The following IL1RAPL1 variants were observed in gnomAD, a reference collection of about 807,000 sequenced individuals.
The protein encoded by IL1RAPL1 is interleukin-1 receptor accessory protein-like 1.
Under a neutral mutation model 48.4 loss-of-function variants are expected in IL1RAPL1, and 3 were observed. The observed-to-expected ratio is 0.06, with a 90% CI of 0.03 to 0.16. The LOEUF (loss-of-function observed/expected upper bound fraction) is 0.16, where lower values mean the gene tolerates loss of function less well. Ranked by LOEUF, IL1RAPL1 falls within the 10% of genes least tolerant of loss-of-function variation. The probability of loss-of-function intolerance (pLI) is 1.00; values close to 1 mark genes in which losing one functional copy is unlikely to be tolerated. For missense variants in IL1RAPL1, 349 were observed against 530.6 expected, an observed-to-expected ratio of 0.66 and a Z score of 3.36; for synonymous variants, 185 against 187.7, an observed-to-expected ratio of 0.99 and a Z score of 0.12.
intron 3 of IL1RAPL1, among the ~76,000 whole-genome samples, chrX:29,377,325 T>C (rs1933636792): frequency 8.9e-6 from 1 of 112,157 alleles, no homozygotes; most frequent in Admixed American, 9.5e-5. Context: ...TGCCACTCTA[T>C]GTCTTTTAAG....
chrX:29,081,006 C>T (rs371624215), intron 2 of IL1RAPL1, among the ~76,000 whole-genome samples: 2,553 of 64,228 alleles, frequency 0.04, 96 homozygotes, highest in East Asian at 0.083. Context: ...CTCTCTCTCT[C>T]TCTCTCTCTC....
chrX:28,739,489 T>G (rs1245228889), intron 1 of IL1RAPL1, among the ~76,000 whole-genome samples: 1 of 111,173 alleles, frequency 9.0e-6, no homozygotes, highest in Admixed American at 9.6e-5. Flanking sequence ...ACTAACTCAT[T>G]TAATACTTAA....
chrX:29,332,645 TTTATTTTA>T (rs1293940430), intron 3 of IL1RAPL1, among the ~76,000 whole-genome samples: 25 of 79,784 alleles, frequency 3.1e-4, no homozygotes, highest in African/African-American at 1.4e-3. Context: ...TATTTATTTA[TTTATTTTA>T]TTTTTTTTTT....
intron 2 of IL1RAPL1, among the ~76,000 whole-genome samples, chrX:29,280,296 A>G (rs1334974798): frequency 2.1e-4 from 24 of 112,061 alleles, no homozygotes; most frequent in Non-Finnish European, 1.5e-4. Flanking sequence ...AATTATGACA[A>G]TGACTCAGAC....
At chrX:28,974,655 A>G (rs1187126895) in intron 2 of IL1RAPL1, among the ~76,000 whole-genome samples, 1 of 111,735 alleles carries the variant, frequency 8.9e-6, no homozygotes, top group African/African-American at 3.3e-5. Flanking sequence ...GAGGGCTGGT[A>G]TTATTTTCCT....
chrX:29,126,117 G>GA (rs1928894556), intron 2 of IL1RAPL1, among the ~76,000 whole-genome samples: 1 of 111,283 alleles, frequency 9.0e-6, no homozygotes, highest in African/African-American at 3.3e-5. Context: ...CTGCTTCAAA[G>GA]AATAGCTAAT....
intron 2 of IL1RAPL1, among the ~76,000 whole-genome samples, chrX:29,223,917 T>C: frequency 9.0e-6 from 1 of 111,488 alleles, no homozygotes; most frequent in Non-Finnish European, 1.9e-5. Context: ...TTTGTGCATA[T>C]ATAAACATTC....
chrX:28,955,560 T>C lies in IL1RAPL1; in HGVS notation c.82+166135T>C, dbSNP rs569508427. Among the ~76,000 whole-genome samples the C allele has an allele frequency of 1.3e-3, 139 of 109,119 alleles. 1 individual carries two copies. The South Asian group carries it at 0.055, about 43-fold the overall frequency. The allele number at this position is 109,119 out of a possible 115,157, so 94.8% of individuals were successfully genotyped here. A position where few individuals can be genotyped will look rare whatever the true frequency, so the allele number is the denominator to read the frequency against. On this transcript the variant is annotated intron_variant, in intron 2 of 10. Transcript: ENST00000378993. ...GAATCCTTTCCCCATTGCTTGTTTT[T>C]CTCAGGTTTGTCAAAGATCAGATAG... is the stretch of plus-strand genomic sequence containing the variant.
intron 2 of IL1RAPL1, among the ~76,000 whole-genome samples, chrX:29,205,977 G>A (rs959502561): frequency 1.8e-5 from 2 of 109,605 alleles, no homozygotes; most frequent in Non-Finnish European, 1.9e-5. Context: ...CTGACCTCGT[G>A]ATCTACCCAC....
rs749783181 is a variant in IL1RAPL1, at chrX:29,931,511, AAAT to A, written c.1058-10134_1058-10132del. Among the ~76,000 whole-genome samples, 141 of 112,097 alleles carry A rather than the reference AAAT, an allele frequency of 1.3e-3. 1 individual carries two copies. In the Middle Eastern group the frequency reaches 0.018, roughly 15 times the overall value. On this transcript the variant is annotated intron_variant, in intron 8 of 10. Transcript: ENST00000378993. Reference sequence around the variant, plus strand: ...TTAAACCCCTAAAGAAACAATATTAAAATAATAACATAAAATTCTGAAGTTTAT... The same window carrying A: ...TTAAACCCCTAAAGAAACAATATTAAAATAACATAAAATTCTGAAGTTTAT...
intron 2 of IL1RAPL1, among the ~76,000 whole-genome samples, chrX:28,963,020 T>C (rs1264925111): frequency 9.0e-6 from 1 of 110,913 alleles, no homozygotes; most frequent in Non-Finnish European, 1.9e-5. Context: ...AGAGTGCTTT[T>C]TGAAAGATTT....
chrX:29,625,428 A>C (rs149305258), intron 5 of IL1RAPL1, among the ~76,000 whole-genome samples: 13,052 of 111,448 alleles, frequency 0.12, 722 homozygotes, highest in Middle Eastern at 0.21. Context: ...CAATAACTTA[A>C]TTTTTAAAAA....
intron 1 of IL1RAPL1, among the ~76,000 whole-genome samples, chrX:28,640,417 C>A (rs764088649): frequency 2.6e-4 from 29 of 110,764 alleles, no homozygotes; most frequent in Non-Finnish European, 4.3e-4. Flanking sequence ...GTCATCTCGG[C>A]TCATTGCAAC....
intron 2 of IL1RAPL1, among the ~76,000 whole-genome samples, chrX:29,195,557 C>CTT (rs756993767): frequency 0.066 from 5,278 of 79,822 alleles, 316 homozygotes; most frequent in Admixed American, 0.079. Context: ...TAACTAATTA[C>CTT]TTTTTTTTTT....
chrX:29,079,592 A>G (rs189423331), intron 2 of IL1RAPL1, among the ~76,000 whole-genome samples: 2 of 109,775 alleles, frequency 1.8e-5, no homozygotes, highest in East Asian at 2.9e-4. Flanking sequence ...CTAGACAGCC[A>G]GAGTAATAGG....
chrX:28,596,007 G>C (rs1190984628), intron 1 of IL1RAPL1, among the ~76,000 whole-genome samples: 1 of 111,211 alleles, frequency 9.0e-6, no homozygotes, highest in Non-Finnish European at 1.9e-5. Context: ...TTATGTCAGT[G>C]GGTGTGCTCT....
At chrX:29,796,532 C>T (rs928888962) in intron 6 of IL1RAPL1, among the ~76,000 whole-genome samples, 40 of 111,582 alleles carry the variant, frequency 3.6e-4, no homozygotes, top group African/African-American at 1.3e-3. Context: ...TACCCAACAG[C>T]CAATCTATCA....
chrX:28,681,490 T>G (rs780456923), intron 1 of IL1RAPL1, among the ~76,000 whole-genome samples: 1 of 111,404 alleles, frequency 9.0e-6, no homozygotes, highest in East Asian at 2.8e-4. Context: ...GAATGTTGTT[T>G]GTCAGGGTTG....
At chrX:29,721,111 A>G (rs956821898) in intron 6 of IL1RAPL1, among the ~76,000 whole-genome samples, 1 of 111,607 alleles carries the variant, frequency 9.0e-6, no homozygotes, top group African/African-American at 3.3e-5. Flanking sequence ...AGGGGTGGCT[A>G]TAGAGATTTC....
Sources: gnomAD v4.1 joint callset for allele counts (sites outside exome capture counted in the v4.1 genomes callset) on GRCh38, gnomAD v4.1.1 for gene constraint, MANE v1.5 for transcripts, NCBI Gene and HGNC (gene_info 2026-07-23, HGNC 2026-07-21) for gene names.